Variants in PCP4 observed in about 807,000 individuals in gnomAD.
PCP4 encodes calmodulin regulator protein PCP4.
PCP4 carries 8 observed loss-of-function variants against 10.0 expected under a neutral mutation model. That is an observed-to-expected ratio of 0.80 (90% confidence interval 0.47 to 1.45). The LOEUF is 1.45. Among genes scored for constraint, PCP4 ranks in the 40% most tolerant of loss-of-function variants. The pLI is 0.00. For missense variants in PCP4, 54 were observed against 74.4 expected, an observed-to-expected ratio of 0.73 and a Z score of 1.01; for synonymous variants, 21 against 23.0, an observed-to-expected ratio of 0.91 and a Z score of 0.24.
chr21:39,873,374 C>A (rs537099392), intron 1 of PCP4, among the ~76,000 whole-genome samples: 1 of 152,006 alleles, frequency 6.6e-6, no homozygotes, highest in Non-Finnish European at 1.5e-5. Context: ...ATTTAATTAT[C>A]ATCTAAAATT....
At chr21:39,891,026 T>G (rs2146333460) in intron 1 of PCP4, among the ~76,000 whole-genome samples, 1 of 152,330 alleles carries the variant, frequency 6.6e-6, no homozygotes, top group Non-Finnish European at 1.5e-5. Context: ...TGTAGCATAC[T>G]TATGTTCAGA....
At chr21:39,925,028 G>C (rs2146352165) in intron 2 of PCP4, among the ~76,000 whole-genome samples, 1 of 152,300 alleles carries the variant, frequency 6.6e-6, no homozygotes, top group African/African-American at 2.4e-5. Flanking sequence ...ATTGAGGTCT[G>C]GACGTCTGCC....
At chr21:39,905,600 G>A (rs192105392) in intron 2 of PCP4, among the ~76,000 whole-genome samples, 5 of 152,152 alleles carry the variant, frequency 3.3e-5, no homozygotes, top group Admixed American at 6.5e-5. Flanking sequence ...TTCAGAGTGA[G>A]CATTATAATA....
Position 39,913,467 on chromosome 21 carries a change from T to C in PCP4, c.61+14940T>C, listed in dbSNP as rs571435467. ...TGGGCAACAGCCCTCTCTGTCCTTA[T>C]GACAACATTCTGATGTGGGATGCCC... On this transcript the variant is annotated intron_variant, in intron 2 of 2. Coordinates refer to ENST00000328619, the MANE Select transcript of PCP4 (RefSeq NM_006198.3). Among the ~76,000 whole-genome samples, 7 of 152,370 alleles carry C rather than the reference T, an allele frequency of 4.6e-5. No homozygotes were observed. The East Asian group carries it at 1.3e-3, about 29-fold the overall frequency.
chr21:39,880,357 A>G (rs1334550606), intron 1 of PCP4, among the ~76,000 whole-genome samples: 1 of 152,222 alleles, frequency 6.6e-6, no homozygotes, highest in Non-Finnish European at 1.5e-5. Context: ...GTGTTCAAGC[A>G]TCAGCTTGGC....
At chr21:39,927,115 A>AT (rs150355101) in intron 2 of PCP4, among the ~76,000 whole-genome samples, 6,321 of 152,262 alleles carry the variant, frequency 0.042, 158 homozygotes, top group Non-Finnish European at 0.046. Flanking sequence ...TGAGAGGATG[A>AT]TTGAAGGGTC....
chr21:39,899,329 C>G (rs182241551), intron 2 of PCP4, among the ~76,000 whole-genome samples: 289 of 152,330 alleles, frequency 1.9e-3, no homozygotes, highest in African/African-American at 6.5e-3. Flanking sequence ...TTTCTGTTAA[C>G]TCAAGATGAA....
rs148042154 is a variant in PCP4, at chr21:39,903,596, C to T, written c.61+5069C>T. On this transcript the variant is annotated intron_variant, in intron 2 of 2. Transcript: ENST00000328619. ...GACTTAGTTTGATTTGGGCTGGGCG[C>T]GGTGGCTCACGCCTGTAATCCCAGC... is the stretch of plus-strand genomic sequence containing the variant. Among the ~76,000 whole-genome samples, 15 of 152,224 alleles carry T rather than the reference C, an allele frequency of 9.9e-5. No homozygotes were observed. In the East Asian group the frequency reaches 1.7e-3, roughly 18 times the overall value.
At chr21:39,876,909 AC>A (rs1255306687) in intron 1 of PCP4, among the ~76,000 whole-genome samples, 1 of 152,220 alleles carries the variant, frequency 6.6e-6, no homozygotes, top group Non-Finnish European at 1.5e-5. Context: ...CTGCTTAAGG[AC>A]GGTTGACCTT....
At chr21:39,916,592 A>G (rs1047715281) in intron 2 of PCP4, among the ~76,000 whole-genome samples, 1 of 152,188 alleles carries the variant, frequency 6.6e-6, no homozygotes, top group African/African-American at 2.4e-5. Context: ...ATACCATTTG[A>G]CCCAGCAATC....
Position 39,890,814 on chromosome 21 carries a change from T to C in PCP4, c.10-7662T>C, listed in dbSNP as rs1172706064. On this transcript the variant is annotated intron_variant, in intron 1 of 2. Coordinates refer to ENST00000328619, the MANE Select transcript of PCP4 (RefSeq NM_006198.3). Reference sequence around the variant, plus strand: ...CAGGGGAAATGCCTTGCTTGCCTTATCCAGTGGTGGCTATTTCAAGAACAC... The same window carrying C: ...CAGGGGAAATGCCTTGCTTGCCTTACCCAGTGGTGGCTATTTCAAGAACAC... 1.3e-5 allele frequency among the ~76,000 whole-genome samples: 2 copies of C among 152,232 alleles called. 1 individual carries two copies. The highest frequency in any genetic ancestry group is 2.9e-5 in the Non-Finnish European group (2 of 68,048).
At chr21:39,892,806 C>T (rs990408137) in intron 1 of PCP4, among the ~76,000 whole-genome samples, 3 of 152,064 alleles carry the variant, frequency 2.0e-5, no homozygotes, top group Non-Finnish European at 4.4e-5. Context: ...CTTATTTATT[C>T]TAACTATTTT....
At chr21:39,921,430 G>T (rs868450456) in intron 2 of PCP4, among the ~76,000 whole-genome samples, 51 of 152,284 alleles carry the variant, frequency 3.3e-4, no homozygotes, top group African/African-American at 1.1e-3. Flanking sequence ...TCTCATAAAT[G>T]ACTACGTAAG....
At chr21:39,904,871 A>C (rs6517577) in intron 2 of PCP4, among the ~76,000 whole-genome samples, 104,325 of 152,070 alleles carry the variant, frequency 0.69, 37,410 homozygotes, top group African/African-American at 0.92. Flanking sequence ...TGGAAACTTA[A>C]CAAGCCAAGA....
At position 39,896,198 on chromosome 21, in the gene PCP4, T is replaced by G. The variant is rs115933876; in HGVS notation, c.10-2278T>G. ...TGAAAGGCATCCATATTTAAGGCATTTAAAGACTGTGGGGTTGAGCATGCA... is the reference window on the plus strand; with the variant it reads ...TGAAAGGCATCCATATTTAAGGCATGTAAAGACTGTGGGGTTGAGCATGCA... On this transcript the variant is annotated intron_variant, in intron 1 of 2. Transcript: ENST00000328619. Among the ~76,000 whole-genome samples the G allele has an allele frequency of 8.8e-3, 1,335 of 152,360 alleles. 21 individuals carry two copies. The highest frequency in any genetic ancestry group is 0.03 in the African/African-American group (1,268 of 41,594).
intron 1 of PCP4, among the ~76,000 whole-genome samples, chr21:39,878,722 G>T (rs952452023): frequency 6.6e-6 from 1 of 152,116 alleles, no homozygotes; most frequent in African/African-American, 2.4e-5. Context: ...GTATCTATCC[G>T]TGCTTGCTCA....
intron 1 of PCP4, among the ~76,000 whole-genome samples, chr21:39,892,581 T>G (rs1358247460): frequency 1.3e-5 from 2 of 152,176 alleles, no homozygotes; most frequent in African/African-American, 4.8e-5. Context: ...TTAATTTTTG[T>G]GGGTACATAG....
At chr21:39,911,101 G>A (rs1040776535) in intron 2 of PCP4, among the ~76,000 whole-genome samples, 2 of 151,998 alleles carry the variant, frequency 1.3e-5, no homozygotes, top group Non-Finnish European at 2.9e-5. Flanking sequence ...AAGCATCAAG[G>A]GGATATCGCA....
At chr21:39,868,068 C>A (rs1303285310) in intron 1 of PCP4, among the ~76,000 whole-genome samples, 1 of 152,108 alleles carries the variant, frequency 6.6e-6, no homozygotes, top group Non-Finnish European at 1.5e-5. Flanking sequence ...GCTCTAAGAC[C>A]GGAGGCGGCC....
Sources: allele counts gnomAD v4.1 joint callset (sites outside exome capture counted in the v4.1 genomes callset), GRCh38; gene constraint gnomAD v4.1.1; transcripts MANE v1.5; gene names NCBI Gene and HGNC (gene_info 2026-07-23, HGNC 2026-07-21).